Variants in CFAP45 observed in about 807,000 individuals in gnomAD.
CFAP45 encodes the protein cilia- and flagella-associated protein 45.
CFAP45 carries 43 observed loss-of-function variants against 75.6 expected under a neutral mutation model. That is an observed-to-expected ratio of 0.57 (90% CI 0.45 to 0.73). The LOEUF (loss-of-function observed/expected upper bound fraction) is 0.73. Ranked by LOEUF, CFAP45 falls within the 30% of genes least tolerant of loss-of-function variation. The probability of loss-of-function intolerance (pLI) is 0.00; values close to 1 mark genes in which losing one functional copy is unlikely to be tolerated. For missense variants in CFAP45, 689 were observed against 701.5 expected (o/e 0.98, Z 0.20); for synonymous variants, 223 against 244.6 (o/e 0.91, Z 0.82).
Position 159,887,914 on chromosome 1 carries a change from C to T in CFAP45, c.515G>A (p.Arg172Gln), listed in dbSNP as rs776543202. 15 of 1,614,126 alleles carry T rather than the reference C, an allele frequency of 9.3e-6. No individual in the cohort carries two copies. The East Asian group carries it at 1.8e-4, about 19-fold the overall frequency. ...GGCTCTCTGCAGGAGGTTCTGGGCC[C>T]GTTCCTTGGCCACCTCCTCCAGGTC... Reference protein sequence around the residue: ...LSDLEEVAKERAQNLLQRANK... With the variant: ...LSDLEEVAKEQAQNLLQRANK... The change falls in exon 5 of 12, where the codon CGG becomes CAG. Residue 172 changes from arginine (R) to glutamine (Q), a missense_variant. Arg to Gln is a conservative substitution (Grantham distance 43, BLOSUM62 1). Transcript: ENST00000368099.
At position 159,893,277 on chromosome 1, in the gene CFAP45, GA is replaced by G; in HGVS notation, c.31del (p.Ser11ProfsTer20). 2 of 1,613,678 alleles carry G rather than the reference GA, an allele frequency of 1.2e-6. No homozygotes were observed. The highest frequency in any genetic ancestry group is 1.7e-6 in the Non-Finnish European group (2 of 1,179,968). On this transcript the variant is annotated frameshift_variant, in exon 2 of 12. Coordinates refer to ENST00000368099, the MANE Select transcript of CFAP45 (RefSeq NM_012337.3). LOFTEE classifies it high-confidence loss of function. MPLSTAGILS[S>X]SSAASNRSRN... is the part of the protein sequence containing the mutation. The stretch of plus-strand genomic sequence containing the variant: ...TGACCTGTTGGAAGCGGCAGAAGAG[GA>G]GCTCAGGATGCCAGCTGTGCTTAGT...
At chr1:159,896,933 T>C (rs1649963471) in intron 1 of CFAP45, among the ~76,000 whole-genome samples, 1 of 152,218 alleles carries the variant, frequency 6.6e-6, no homozygotes, top group African/African-American at 2.4e-5. Flanking sequence ...TAGGATGATC[T>C]CCATAACTTG....
At chr1:159,894,267 A>G (rs908242814) in intron 1 of CFAP45, among the ~76,000 whole-genome samples, 1 of 152,230 alleles carries the variant, frequency 6.6e-6, no homozygotes, top group African/African-American at 2.4e-5. Flanking sequence ...GTTTCTCATT[A>G]TCTGCCTAGT....
chr1:159,883,058 T>C (rs529111240), intron 7 of CFAP45, among the ~76,000 whole-genome samples: 11 of 152,312 alleles, frequency 7.2e-5, no homozygotes, highest in Admixed American at 6.5e-4. Flanking sequence ...TCTGCCCACC[T>C]GCAGCACTCT....
chr1:159,874,703 G>C (rs886193711), intron 10 of CFAP45, among the ~76,000 whole-genome samples: 19 of 152,222 alleles, frequency 1.2e-4, no homozygotes, highest in Admixed American at 1.2e-3. Context: ...CATCGGGTTA[G>C]GGCAGTGATC....
chr1:159,882,496 C>T (rs1048813647), intron 7 of CFAP45, among the ~76,000 whole-genome samples: 1 of 152,122 alleles, frequency 6.6e-6, no homozygotes, highest in African/African-American at 2.4e-5. Context: ...GAAGCCCTTC[C>T]AAAGCAACCC....
At chr1:159,877,846 C>T (rs1158953840) in intron 8 of CFAP45, among the ~76,000 whole-genome samples, 1 of 149,418 alleles carries the variant, frequency 6.7e-6, no homozygotes, top group African/African-American at 2.5e-5. Flanking sequence ...TACTGCATTC[C>T]CCTGGGCAAC....
intron 3 of CFAP45, among the ~76,000 whole-genome samples, chr1:159,889,380 C>G (rs1211419255): frequency 6.6e-6 from 1 of 152,060 alleles, no homozygotes; most frequent in African/African-American, 2.4e-5. Context: ...GAAGTGAAAC[C>G]TCATCTAATA....
chr1:159,872,921 G>A (rs753462266), intron 11 of CFAP45, 23 bp downstream of exon 11: 216 of 1,605,128 alleles, frequency 1.3e-4, no homozygotes, highest in Non-Finnish European at 1.6e-4. Flanking sequence ...GAGGATTTGG[G>A]AAAGGAGGAG....
chr1:159,875,551 C>T (rs967941669), intron 10 of CFAP45, among the ~76,000 whole-genome samples: 1 of 152,206 alleles, frequency 6.6e-6, no homozygotes. Context: ...TCTGGCATGC[C>T]ACTAACTACC....
intron 8 of CFAP45, among the ~76,000 whole-genome samples, chr1:159,878,768 A>AAAAAAAAAAAAAAAAAAAAAAAAAAC (rs1345139458): frequency 7.1e-6 from 1 of 141,306 alleles, no homozygotes; most frequent in Non-Finnish European, 1.5e-5. Context: ...AAAAAAAAAA[A>AAAAAAAAAAAAAAAAAAAAAAAAAAC]AAAAAAAAAA....
intron 7 of CFAP45, among the ~76,000 whole-genome samples, chr1:159,881,898 C>T (rs572092769): frequency 7.2e-5 from 11 of 152,348 alleles, no homozygotes; most frequent in African/African-American, 1.9e-4. Flanking sequence ...ACTCACCCCA[C>T]CTCCCACACT....
chr1:159,893,524 C>T (rs1400786966), intron 1 of CFAP45, among the ~76,000 whole-genome samples: 2 of 152,136 alleles, frequency 1.3e-5, no homozygotes, highest in Non-Finnish European at 2.9e-5. Flanking sequence ...AAAAAAAGAG[C>T]TCTGCATAAA....
intron 9 of CFAP45, 39 bp from the exon 10 acceptor site, chr1:159,876,788 A>G (rs1649415258): frequency 6.2e-7 from 1 of 1,611,416 alleles, no homozygotes; most frequent in Admixed American, 1.7e-5. Flanking sequence ...GGCACAAAAT[A>G]GCTGGAAGTA....
intron 9 of CFAP45, 74 bp downstream of exon 9, chr1:159,877,275 T>C (rs1331992384): frequency 6.7e-6 from 7 of 1,050,938 alleles, no homozygotes; most frequent in African/African-American, 1.6e-5. Context: ...CTCAAGGCCA[T>C]TCTACAGGCT....
rs764535834 is a variant in CFAP45 at position 159,873,172 on chromosome 1, G to A, written c.1353-4C>T. ...CTCAATCTGTTCTCTCTGAGCCCTG[G>A]GGGAGGGAAACAGGAATGGAATGAA... On this transcript the variant is annotated splice_region_variant and splice_polypyrimidine_tract_variant and intron_variant, in intron 10 of 11. Transcript: ENST00000368099. The A allele has an allele frequency of 3.7e-6, 6 of 1,612,702 alleles. No individual in the cohort carries two copies. The highest frequency in any genetic ancestry group is 3.3e-5 in the Admixed American group (2 of 60,020).
Position 159,890,483 on chromosome 1 carries a change from A to C in CFAP45, c.269T>G (p.Leu90Arg). The change falls in exon 3 of 12, where the codon CTC becomes CGC. Residue 90 changes from leucine to arginine, a missense_variant. Physicochemically the swap from Leu to Arg is moderately radical, Grantham distance 102 (BLOSUM62 -2). Coordinates refer to ENST00000368099, the MANE Select transcript of CFAP45 (RefSeq NM_012337.3). ...QLITRDMVRE[L>R]IVPTEDPSGE... The stretch of plus-strand genomic sequence containing the variant: ...GGGCAGGGGACGGTGTACTCACATG[A>C]GTTCTCGGACCATGTCCCGGGTGAT... 1 of 1,614,116 alleles carries C rather than the reference A, an allele frequency of 6.2e-7. No homozygotes were observed.
At chr1:159,873,238 G>A (rs763104081) in intron 10 of CFAP45, 70 bp from the exon 11 acceptor site, 4 of 1,379,998 alleles carry the variant, frequency 2.9e-6, no homozygotes, top group Non-Finnish European at 4.0e-6. Flanking sequence ...TGGTGGGGGA[G>A]CCTCCTGGGT....
At chr1:159,893,740 A>G (rs1649882146) in intron 1 of CFAP45, among the ~76,000 whole-genome samples, 1 of 152,152 alleles carries the variant, frequency 6.6e-6, no homozygotes, top group Non-Finnish European at 1.5e-5. Flanking sequence ...ATCTCAAAAG[A>G]GATACACAAT....
Sources: allele counts gnomAD v4.1 joint callset (sites outside exome capture counted in the v4.1 genomes callset), GRCh38; gene constraint gnomAD v4.1.1; transcripts MANE v1.5; gene names NCBI Gene and HGNC (gene_info 2026-07-23, HGNC 2026-07-21).